Variants in SLC6A7 observed in about 807,000 individuals in gnomAD.
SLC6A7 encodes the protein solute carrier family 6 member 7, also known as sodium-dependent proline transporter.
In SLC6A7, 58 loss-of-function variants were observed where a neutral mutation model predicts 73.1. The observed-to-expected ratio is 0.79, with a 90% CI of 0.64 to 0.99. The LOEUF is 0.99. SLC6A7 is among the 50% of genes least tolerant of loss of function. The pLI is 0.00. For synonymous variants in SLC6A7, 338 were observed against 338.7 expected (o/e 1.00, Z 0.02); for missense variants, 783 against 831.4 (o/e 0.94, Z 0.72).
At position 150,209,988 on chromosome 5, in the gene SLC6A7, C is replaced by T. The variant is rs1011312069; in HGVS notation, c.*373C>T. 2.0e-5 allele frequency: 6 copies of T among 300,664 alleles called. No homozygotes were observed. Among genetic ancestry groups the T allele is most frequent in the Non-Finnish European group, 3.9e-5 (6 of 155,078 alleles). The allele number at this position is 300,664 out of a possible 1,614,324, so 18.6% of individuals were successfully genotyped here. On this transcript the variant is annotated 3_prime_UTR_variant, in exon 14 of 14. Transcript: ENST00000230671. ...TTTCCCATGGGGCAGCCGGCACCAC[C>T]TTCTCATCTCTATTCAGGGCCTACA... is the stretch of plus-strand genomic sequence containing the variant.
chr5:150,204,092 G>A, intron 10 of SLC6A7, 54 bp downstream of exon 10: 2 of 1,554,146 alleles, frequency 1.3e-6, no homozygotes, highest in African/African-American at 1.4e-5. Context: ...GCAGACGCCT[G>A]CAACGAGATC....
At chr5:150,201,858 C>A (rs140278891) in intron 6 of SLC6A7, among the ~76,000 whole-genome samples, 1 of 152,166 alleles carries the variant, frequency 6.6e-6, no homozygotes, top group Non-Finnish European at 1.5e-5. Context: ...ATTTAACCCA[C>A]CCTCCTCCCA....
At chr5:150,201,861 T>G (rs1056458827) in intron 6 of SLC6A7, among the ~76,000 whole-genome samples, 1 of 152,060 alleles carries the variant, frequency 6.6e-6, no homozygotes, top group Non-Finnish European at 1.5e-5. Context: ...TAACCCACCC[T>G]CCTCCCATGA....
chr5:150,204,739 C>T, intron 11 of SLC6A7, 88 bp from the exon 12 acceptor site: 1 of 1,341,324 alleles, frequency 7.5e-7, no homozygotes. Flanking sequence ...GCCAGGGTTT[C>T]CAGTGGGGGC....
At chr5:150,203,831 G>GTC in intron 9 of SLC6A7, 52 bp downstream of exon 9, 2 of 1,188,372 alleles carry the variant, frequency 1.7e-6, no homozygotes, top group Non-Finnish European at 2.5e-6. Flanking sequence ...GTGTGTGTGT[G>GTC]TGTGTGTGTG....
chr5:150,198,049 G>GAGAAAGAAAGAAAGAA (rs1554115584), intron 4 of SLC6A7, among the ~76,000 whole-genome samples: 80 of 103,650 alleles, frequency 7.7e-4, no homozygotes, highest in East Asian at 3.1e-3. Context: ...AAAGAAGAAA[G>GAGAAAGAAAGAAAGAA]AGAAAGAAAG....
intron 1 of SLC6A7, among the ~76,000 whole-genome samples, chr5:150,193,449 C>G (rs1350773455): frequency 6.6e-6 from 1 of 152,222 alleles, no homozygotes; most frequent in African/African-American, 2.4e-5. Context: ...ATTCACCCAG[C>G]CCTCAGGCTC....
intron 6 of SLC6A7, among the ~76,000 whole-genome samples, chr5:150,201,502 T>G (rs1343615328): frequency 6.6e-6 from 1 of 152,218 alleles, no homozygotes; most frequent in Non-Finnish European, 1.5e-5. Flanking sequence ...ATCATTTTTG[T>G]AGTGAGAACA....
Position 150,204,629 on chromosome 5 carries a change from A to C in SLC6A7, c.1430A>C (p.Tyr477Ser), listed in dbSNP as rs1753583497. The change falls in exon 11 of 14, where the codon TAT becomes TCT. Residue 477 changes from tyrosine to serine, a missense_variant and splice_region_variant. Tyr to Ser is a moderately radical substitution (Grantham distance 144). Coordinates refer to ENST00000230671, the MANE Select transcript of SLC6A7 (RefSeq NM_014228.5). ...ITTCLAVTRVYGIQRFCRDIH... is the reference protein window; with the variant it reads ...ITTCLAVTRVSGIQRFCRDIH... The stretch of plus-strand genomic sequence containing the variant: ...ACGTGCCTTGCCGTGACACGGGTGT[A>C]TGGTGAGAAGAGCCGTGGGAAGTGG... 6.2e-7 allele frequency: 1 copy of C among 1,606,054 alleles called. No individual in the cohort carries two copies. The highest frequency in any genetic ancestry group is 1.7e-5 in the Admixed American group (1 of 60,022).
chr5:150,195,695 C>G (rs1444657993), intron 2 of SLC6A7, among the ~76,000 whole-genome samples: 1 of 152,220 alleles, frequency 6.6e-6, no homozygotes, highest in Non-Finnish European at 1.5e-5. Flanking sequence ...CCTTCTGTCT[C>G]TAGCAAACTC....
Position 150,209,639 on chromosome 5 carries a change from G to A in SLC6A7, c.*24G>A, listed in dbSNP as rs1176306872. On this transcript the variant is annotated 3_prime_UTR_variant, in exon 14 of 14. Transcript: ENST00000230671. Reference sequence around the variant, plus strand: ...GAGGCAGGAGGCAGGCGGGCAGAAGGCCCTGCCCGGGACCTCACAGTCCCT... The same window carrying A: ...GAGGCAGGAGGCAGGCGGGCAGAAGACCCTGCCCGGGACCTCACAGTCCCT... 5.8e-6 allele frequency: 9 copies of A among 1,543,004 alleles called. No individual in the cohort carries two copies. Among genetic ancestry groups the A allele is most frequent in the Middle Eastern group, 1.7e-4 (1 of 5,858 alleles).
intron 1 of SLC6A7, among the ~76,000 whole-genome samples, chr5:150,193,396 G>A (rs559699433): frequency 2.2e-3 from 342 of 152,274 alleles, no homozygotes; most frequent in Non-Finnish European, 3.3e-3. Flanking sequence ...CACAGATCAC[G>A]GCTTAAGTAC....
chr5:150,199,143 C>G (rs148416034), intron 4 of SLC6A7, 85 bp from the exon 5 acceptor site: 312 of 1,475,450 alleles, frequency 2.1e-4, no homozygotes, highest in Non-Finnish European at 2.7e-4. Flanking sequence ...AGCAGTAGAG[C>G]CTTGTGGGCT....
chr5:150,196,701 C>A lies in SLC6A7; in HGVS notation c.218-15C>A. The A allele has an allele frequency of 6.2e-7, 1 of 1,610,144 alleles. No individual in the cohort carries two copies. ...CTGCCCCCAAGGCCCTTGCTGACCA[C>A]CCCGCTCCCGGCAGGCGCCTTCCTC... On this transcript the variant is annotated splice_polypyrimidine_tract_variant and intron_variant, in intron 2 of 13. Coordinates refer to ENST00000230671, the MANE Select transcript of SLC6A7 (RefSeq NM_014228.5).
At chr5:150,205,696 A>C in intron 13 of SLC6A7, 73 bp downstream of exon 13, 13 of 1,349,870 alleles carry the variant, frequency 9.6e-6, no homozygotes, top group Non-Finnish European at 1.3e-5. Flanking sequence ...CTGCTAGAAC[A>C]GAAAACATAT....
rs1554116762 is a variant in SLC6A7 at position 150,203,820 on chromosome 5, G to GGTGTGTGGGTGTGT, written c.1200+48_1200+49insGGTGTGTGTGTGTG. 214 of 802,604 alleles carry GGTGTGTGGGTGTGT rather than the reference G, an allele frequency of 2.7e-4. No individual in the cohort carries two copies. In the African/African-American group the frequency reaches 4.0e-3, roughly 15 times the overall value. 49.7% of individuals were successfully genotyped at this position (802,604 alleles called of 1,614,324 possible). A position where few individuals can be genotyped will look rare whatever the true frequency, so the allele number is the denominator to read the frequency against. ...GGCAGCAGGCACCCCGTGTGTGTGT[G>GGTGTGTGGGTGTGT]GTGTGTGTGTGTGTGTGTGTGTGTG... On this transcript the variant is annotated intron_variant, in intron 9 of 13. Transcript: ENST00000230671.
At chr5:150,194,179 C>T (rs941737905) in intron 1 of SLC6A7, among the ~76,000 whole-genome samples, 1 of 152,188 alleles carries the variant, frequency 6.6e-6, no homozygotes, top group African/African-American at 2.4e-5. Flanking sequence ...CCTGTAATCC[C>T]AGCACTTTGG....
chr5:150,200,394 G>A (rs1160047018), intron 5 of SLC6A7, among the ~76,000 whole-genome samples: 3 of 152,198 alleles, frequency 2.0e-5, no homozygotes, highest in Admixed American at 2.0e-4. Flanking sequence ...TCGGGAGGCT[G>A]AGACGGGAGA....
rs915436351 is a variant in SLC6A7, at chr5:150,209,719, G to T, written c.*104G>T. 6 of 962,020 alleles carry T rather than the reference G, an allele frequency of 6.2e-6. No homozygotes were observed. Among genetic ancestry groups the T allele is most frequent in the Middle Eastern group, 3.1e-4 (1 of 3,202 alleles). The allele number at this position is 962,020 out of a possible 1,614,324, so 59.6% of individuals were successfully genotyped here. ...CCTCTGGGATTCTGAGAGGCTATGG[G>T]GGGGCCTGCCATAGGGATGCCAGTC... On this transcript the variant is annotated 3_prime_UTR_variant, in exon 14 of 14. Coordinates refer to ENST00000230671, the MANE Select transcript of SLC6A7 (RefSeq NM_014228.5).
Sources: gnomAD v4.1 joint callset for allele counts (sites outside exome capture counted in the v4.1 genomes callset) on GRCh38, gnomAD v4.1.1 for gene constraint, MANE v1.5 for transcripts, NCBI Gene and HGNC (gene_info 2026-07-23, HGNC 2026-07-21) for gene names.